The following MAN2A1 variants were observed in gnomAD, a reference collection of about 807,000 sequenced individuals.
The protein encoded by MAN2A1 is mannosidase alpha class 2A member 1.
A neutral mutation model predicts 142.6 loss-of-function variants in MAN2A1; 76 were observed. That is an observed-to-expected ratio of 0.53 (90% CI 0.44 to 0.65). The LOEUF (loss-of-function observed/expected upper bound fraction) is 0.65. Ranked by LOEUF, MAN2A1 falls within the 30% of genes least tolerant of loss-of-function variation. The pLI is 0.00. For missense variants in MAN2A1, 1,311 were observed against 1,365.1 expected (o/e 0.96, Z 0.62); for synonymous variants, 559 against 473.2 (o/e 1.18, Z -2.35).
chr5:109,729,729 A>T (rs1396967476), intron 4 of MAN2A1, among the ~76,000 whole-genome samples: 1 of 152,184 alleles, frequency 6.6e-6, no homozygotes, highest in African/African-American at 2.4e-5. Flanking sequence ...GCAGTGGCTT[A>T]CTGCTGTAAT....
intron 1 of MAN2A1, among the ~76,000 whole-genome samples, chr5:109,702,034 T>A (rs1040597581): frequency 6.6e-6 from 1 of 152,212 alleles, no homozygotes; most frequent in Admixed American, 6.5e-5. Flanking sequence ...ACTTGGGGAC[T>A]GTGCTTAGTG....
At position 109,868,795 on chromosome 5, in the gene MAN2A1, T is replaced by TGTTA. The variant is rs1755941537; in HGVS notation, c.*1799_*1802dup. On this transcript the variant is annotated 3_prime_UTR_variant, in exon 22 of 22. Transcript: ENST00000261483. Reference sequence around the variant, plus strand: ...CTTCCTTTTTGTGGACATCTACAGATGTTAGGGTTGCCAGAAGCAAATCCC... The same window carrying TGTTA: ...CTTCCTTTTTGTGGACATCTACAGATGTTAGTTAGGGTTGCCAGAAGCAAATCCC... 6.6e-6 allele frequency: 1 copy of TGTTA among 152,174 alleles called. No individual in the cohort carries two copies. The highest frequency in any genetic ancestry group is 1.5e-5 in the Non-Finnish European group (1 of 68,028). The allele number at this position is 152,174 out of a possible 1,614,324, so 9.4% of individuals were successfully genotyped here. A position where few individuals can be genotyped will look rare whatever the true frequency, so the allele number is the denominator to read the frequency against.
intron 4 of MAN2A1, among the ~76,000 whole-genome samples, chr5:109,732,315 C>T (rs1242237860): frequency 6.6e-6 from 1 of 151,818 alleles, no homozygotes; most frequent in Non-Finnish European, 1.5e-5. Flanking sequence ...TGTAGGTTGC[C>T]TGTTCACTCT....
rs541265456 is a variant in MAN2A1 at position 109,754,096 on chromosome 5, A to C, written c.708-1233A>C. Among the ~76,000 whole-genome samples the C allele has an allele frequency of 1.4e-3, 214 of 151,600 alleles. 1 individual carries two copies. Among genetic ancestry groups the C allele is most frequent in the Middle Eastern group, 3.4e-3 (1 of 294 alleles). Reference sequence around the variant, plus strand: ...GCTAACTTTTTAATTTTATTTTGTAAATATGGGATCTCCTTATGTTGCCCA... The same window carrying C: ...GCTAACTTTTTAATTTTATTTTGTACATATGGGATCTCCTTATGTTGCCCA... On this transcript the variant is annotated intron_variant, in intron 4 of 21. Transcript: ENST00000261483.
chr5:109,737,757 A>C (rs541037877), intron 4 of MAN2A1, among the ~76,000 whole-genome samples: 1 of 152,296 alleles, frequency 6.6e-6, no homozygotes. Context: ...ATGCTAATCC[A>C]GTTTTACCTG....
At chr5:109,763,354 G>A (rs1332024241) in intron 5 of MAN2A1, among the ~76,000 whole-genome samples, 1 of 152,104 alleles carries the variant, frequency 6.6e-6, no homozygotes, top group South Asian at 2.1e-4. Flanking sequence ...GAAAAGCCAG[G>A]TTCAGGGAGA....
At chr5:109,751,495 T>C (rs1374665974) in intron 4 of MAN2A1, among the ~76,000 whole-genome samples, 1 of 152,078 alleles carries the variant, frequency 6.6e-6, no homozygotes, top group Non-Finnish European at 1.5e-5. Context: ...GGTGTACTGA[T>C]TTTTTTCCTT....
At position 109,836,312 on chromosome 5, in the gene MAN2A1, T is replaced by G. The variant is rs555949002; in HGVS notation, c.2567-6016T>G. ...GTTTTTTTTTAGTAAAGACAGTGTTTCGCTATGTTGGGCAGGCTGGTCTCA... is the reference window on the plus strand; with the variant it reads ...GTTTTTTTTTAGTAAAGACAGTGTTGCGCTATGTTGGGCAGGCTGGTCTCA... On this transcript the variant is annotated intron_variant, in intron 16 of 21. Coordinates refer to ENST00000261483, the MANE Select transcript of MAN2A1 (RefSeq NM_002372.4). 2.1e-3 allele frequency among the ~76,000 whole-genome samples: 322 copies of G among 151,986 alleles called. 1 individual carries two copies. The highest frequency in any genetic ancestry group is 7.7e-3 in the African/African-American group (318 of 41,414).
At chr5:109,818,931 C>T (rs748509668) in intron 13 of MAN2A1, among the ~76,000 whole-genome samples, 1 of 152,082 alleles carries the variant, frequency 6.6e-6, no homozygotes, top group Non-Finnish European at 1.5e-5. Flanking sequence ...GGTCCCAGGA[C>T]CCTCTGGGGA....
intron 4 of MAN2A1, among the ~76,000 whole-genome samples, chr5:109,736,743 C>T (rs1213860079): frequency 6.6e-6 from 1 of 152,014 alleles, no homozygotes; most frequent in Non-Finnish European, 1.5e-5. Flanking sequence ...CCACCTTACC[C>T]TCCTAGAACC....
At chr5:109,807,896 C>T (rs1754210568) in intron 12 of MAN2A1, among the ~76,000 whole-genome samples, 2 of 152,196 alleles carry the variant, frequency 1.3e-5, no homozygotes, top group African/African-American at 2.4e-5. Context: ...AAGCTATCTA[C>T]TTCGCCGTCC....
chr5:109,841,266 T>A (rs534874296), intron 16 of MAN2A1, among the ~76,000 whole-genome samples: 1 of 152,314 alleles, frequency 6.6e-6, no homozygotes, highest in East Asian at 1.9e-4. Flanking sequence ...TACACTGCAC[T>A]CTATTTGTAG....
chr5:109,742,060 T>C (rs552545867), intron 4 of MAN2A1, among the ~76,000 whole-genome samples: 1 of 152,360 alleles, frequency 6.6e-6, no homozygotes, highest in African/African-American at 2.4e-5. Context: ...CATCAAAATG[T>C]GAACCCTTAT....
At chr5:109,697,580 A>G (rs1750849964) in intron 1 of MAN2A1, among the ~76,000 whole-genome samples, 1 of 152,180 alleles carries the variant, frequency 6.6e-6, no homozygotes, top group South Asian at 2.1e-4. Context: ...TAAGTGGTTT[A>G]ATAATGTTTC....
At chr5:109,770,655 A>G in intron 7 of MAN2A1, 114 bp downstream of exon 7, 1 of 941,294 alleles carries the variant, frequency 1.1e-6, no homozygotes, top group South Asian at 1.7e-5. Context: ...CCTTGTTTGA[A>G]GTATTCATTC....
intron 3 of MAN2A1, among the ~76,000 whole-genome samples, chr5:109,720,316 G>A (rs1355602203): frequency 6.6e-6 from 1 of 152,124 alleles, no homozygotes; most frequent in Non-Finnish European, 1.5e-5. Flanking sequence ...ATTTTCTTTT[G>A]TACATTTGCA....
At chr5:109,822,738 C>T (rs1193426063) in intron 15 of MAN2A1, among the ~76,000 whole-genome samples, 3 of 151,866 alleles carry the variant, frequency 2.0e-5, no homozygotes, top group Admixed American at 6.6e-5. Context: ...AATGCAGTGG[C>T]GCGATCTCAG....
chr5:109,704,232 T>C (rs1751066042), intron 1 of MAN2A1, among the ~76,000 whole-genome samples: 1 of 152,244 alleles, frequency 6.6e-6, no homozygotes, highest in East Asian at 1.9e-4. Flanking sequence ...TACCTGCATC[T>C]GAGCAGCCTC....
intron 16 of MAN2A1, among the ~76,000 whole-genome samples, chr5:109,834,025 T>TATAA (rs1402352891): frequency 6.6e-6 from 1 of 152,168 alleles, no homozygotes; most frequent in African/African-American, 2.4e-5. Context: ...TTTATTTTTT[T>TATAA]TATAAGTTGG....
Sources: allele counts gnomAD v4.1 joint callset (sites outside exome capture counted in the v4.1 genomes callset), GRCh38; gene constraint gnomAD v4.1.1; transcripts MANE v1.5; gene names NCBI Gene and HGNC (gene_info 2026-07-23, HGNC 2026-07-21).